UBE2O: variants seen among roughly 807,000 people sequenced by gnomAD.
UBE2O encodes the protein ubiquitin conjugating enzyme E2 O.
A neutral mutation model predicts 125.8 loss-of-function variants in UBE2O; 15 were observed. The observed-to-expected ratio is 0.12, with a 90% CI of 0.08 to 0.18. The LOEUF is 0.18. Among genes scored for constraint, UBE2O ranks in the 10% least tolerant of loss-of-function variants. The pLI, the probability that UBE2O is intolerant of heterozygous loss-of-function variation, is 1.00. For synonymous variants in UBE2O, 708 were observed against 703.2 expected (o/e 1.01, Z -0.11); for missense variants, 1,280 against 1,723.6 (o/e 0.74, Z 4.56).
Position 76,390,994 on chromosome 17 carries a change from G to C in UBE2O, c.3828C>G (p.Phe1276Leu). Residue 1276 changes from phenylalanine to leucine, a missense_variant, in exon 18 of 18, where the codon TTC becomes TTG. By Grantham distance (22) the Phe-to-Leu change is conservative. This residue lies in a region of UBE2O where 233 missense variants were observed against 279.0 expected (regional missense o/e 0.84). Coordinates refer to ENST00000319380, the MANE Select transcript of UBE2O (RefSeq NM_022066.4). ...IKSIRGVLTQ[F>L]RAALLEAGMP... The stretch of plus-strand genomic sequence containing the variant: ...TGCCTGCCTCTAGCAGGGCAGCCCG[G>C]AACTGCGTCAGGACACCCCGGATGC... 2 of 1,613,634 alleles carry C rather than the reference G, an allele frequency of 1.2e-6. No homozygotes were observed. The highest frequency in any genetic ancestry group is 1.7e-6 in the Non-Finnish European group (2 of 1,179,910).
rs1364972620 is a variant in UBE2O, at chr17:76,452,851, C to T, written c.291G>A (p.Gly97=). ...CCCCGGCCTCGGAGCACCCCGAGCT[C>T]CCGCGGCCCTCCTCCTCGCCCTCCG... The part of the protein sequence containing the change: ...SDSEGEEEGR[G]SSGCSEAGGA... Residue 97 remains glycine (G), a synonymous_variant, in exon 1 of 18, where the codon GGG becomes GGA. Coordinates refer to ENST00000319380, the MANE Select transcript of UBE2O (RefSeq NM_022066.4). The surrounding 1 kb of genome is among the most constrained non-coding windows in gnomAD (Gnocchi z 4.4). The T allele has an allele frequency of 6.6e-7, 1 of 1,504,160 alleles. No homozygotes were observed. Among genetic ancestry groups the T allele is most frequent in the Non-Finnish European group, 8.9e-7 (1 of 1,126,608 alleles). The allele number at this position is 1,504,160 out of a possible 1,614,324, so 93.2% of individuals were successfully genotyped here.
chr17:76,405,545 G>A lies in UBE2O; in HGVS notation c.445C>T (p.Pro149Ser). 1 of 1,598,774 alleles carries A rather than the reference G, an allele frequency of 6.3e-7. No individual in the cohort carries two copies. Among genetic ancestry groups the A allele is most frequent in the South Asian group, 1.1e-5 (1 of 87,758 alleles). ...KLKLEDRSVVPRDVVRHMRST... is the reference protein window; with the variant it reads ...KLKLEDRSVVSRDVVRHMRST... ...CGCATGTGCCGGACCACATCTCGGGGCACCACAGAACGGTCCTCTAGTTTC... is the reference window on the plus strand; with the variant it reads ...CGCATGTGCCGGACCACATCTCGGGACACCACAGAACGGTCCTCTAGTTTC... Residue 149 changes from proline (P) to serine (S), a missense_variant, in exon 2 of 18, where the codon CCC (proline) becomes TCC (serine). Pro to Ser is a moderately conservative substitution (Grantham distance 74). Transcript: ENST00000319380. The surrounding 1 kb of genome is among the most constrained non-coding windows in gnomAD (Gnocchi z 6.1).
Position 76,452,792 on chromosome 17 carries a change from A to AG in UBE2O, c.349dup (p.Leu117ProfsTer91). Reference sequence around the variant, plus strand: ...CTGGACGCGCACGTAGCCGCGGCGCAGGGGGCTGGCCCGGCCCTCCTCGTG... The same window carrying AG: ...CTGGACGCGCACGTAGCCGCGGCGCAGGGGGGCTGGCCCGGCCCTCCTCGTG... On this transcript the variant is annotated frameshift_variant, in exon 1 of 18. Coordinates refer to ENST00000319380, the MANE Select transcript of UBE2O (RefSeq NM_022066.4). LOFTEE classifies it high-confidence loss of function. This position sits in a 1 kb window ranked among gnomAD's most constrained non-coding sequence, Gnocchi z 4.4. 1.3e-6 allele frequency: 2 copies of AG among 1,522,482 alleles called. No individual in the cohort carries two copies. The highest frequency in any genetic ancestry group is 2.7e-5 in the East Asian group (1 of 36,444). 94.3% of individuals were successfully genotyped at this position (1,522,482 alleles called of 1,614,324 possible).
chr17:76,427,838 T>A (rs2072837757), intron 1 of UBE2O, among the ~76,000 whole-genome samples: 1 of 152,222 alleles, frequency 6.6e-6, no homozygotes, highest in African/African-American at 2.4e-5. Context: ...TTTTCTTGCA[T>A]CCCTTTTACC....
intron 1 of UBE2O, among the ~76,000 whole-genome samples, chr17:76,422,163 C>G (rs956411160): frequency 3.3e-5 from 5 of 152,216 alleles, no homozygotes; most frequent in Non-Finnish European, 7.3e-5. Flanking sequence ...CGTGGCCTCT[C>G]TCTCCGGCTT....
In UBE2O at chr17:76,402,850, C is replaced by T; in HGVS notation, c.589-151G>A. The T allele has an allele frequency of 1.5e-6, 1 of 646,996 alleles. No individual in the cohort carries two copies. Among genetic ancestry groups the T allele is most frequent in the Non-Finnish European group, 2.8e-6 (1 of 362,192 alleles). 40.1% of individuals were successfully genotyped at this position (646,996 alleles called of 1,614,324 possible). On this transcript the variant is annotated intron_variant, in intron 3 of 17. Transcript: ENST00000319380. This position sits in a 1 kb window ranked among gnomAD's most constrained non-coding sequence, Gnocchi z 5.4. The stretch of plus-strand genomic sequence containing the variant: ...GTTGGCTACTAGCCCTAAACAGCTG[C>T]TGCAGCAGGCCCTCCCTACAAGTTC...
chr17:76,405,599 G>A lies in UBE2O; in HGVS notation c.418-27C>T. Reference sequence around the variant, plus strand: ...TGTAAAAGAAAATACAGGTGTGAGAGAATGGACTCTGAAGCCACCACAGAA... The same window carrying A: ...TGTAAAAGAAAATACAGGTGTGAGAAAATGGACTCTGAAGCCACCACAGAA... On this transcript the variant is annotated intron_variant, in intron 1 of 17. Transcript: ENST00000319380. The surrounding 1 kb of genome is among the most constrained non-coding windows in gnomAD (Gnocchi z 6.1). 4 of 1,567,552 alleles carry A rather than the reference G, an allele frequency of 2.6e-6. No homozygotes were observed. Among genetic ancestry groups the A allele is most frequent in the Non-Finnish European group, 1.7e-6 (2 of 1,153,878 alleles).
chr17:76,418,386 T>C (rs1454753676), intron 1 of UBE2O, among the ~76,000 whole-genome samples: 3 of 152,180 alleles, frequency 2.0e-5, no homozygotes, highest in African/African-American at 7.2e-5. Flanking sequence ...AGCCATGCCT[T>C]ACAACCAGCA....
intron 1 of UBE2O, among the ~76,000 whole-genome samples, chr17:76,444,717 A>T (rs2073126847): frequency 1.3e-5 from 2 of 152,208 alleles, no homozygotes; most frequent in African/African-American, 2.4e-5. Context: ...CCCCCAGTAC[A>T]GTGCTGGGAT....
At chr17:76,437,240 G>A (rs906813365) in intron 1 of UBE2O, among the ~76,000 whole-genome samples, 7 of 151,684 alleles carry the variant, frequency 4.6e-5, no homozygotes, top group Admixed American at 1.3e-4. Flanking sequence ...CACGAGGTCA[G>A]GAGATCGAGA....
chr17:76,435,190 C>T lies in UBE2O; in HGVS notation c.417+17535G>A, dbSNP rs143864853. On this transcript the variant is annotated intron_variant, in intron 1 of 17. Coordinates refer to ENST00000319380, the MANE Select transcript of UBE2O (RefSeq NM_022066.4). ...GTTTGTCTGAATCCAAAGCTCTGAC[C>T]TGCCAAATACAGAGCAGTTGTACAG... Among the ~76,000 whole-genome samples the T allele has an allele frequency of 6.8e-3, 1,032 of 152,218 alleles. 8 individuals are homozygous for T. The highest frequency in any genetic ancestry group is 0.02 in the Middle Eastern group (6 of 294).
intron 1 of UBE2O, among the ~76,000 whole-genome samples, chr17:76,412,965 G>A (rs1432507005): frequency 3.3e-5 from 5 of 152,120 alleles, no homozygotes; most frequent in Non-Finnish European, 7.4e-5. Context: ...CCGAGATTGC[G>A]CCATTGCACT....
intron 1 of UBE2O, among the ~76,000 whole-genome samples, chr17:76,434,770 T>C (rs1244615850): frequency 6.7e-6 from 1 of 149,490 alleles, no homozygotes; most frequent in Non-Finnish European, 1.5e-5. Context: ...CTTTTTCACT[T>C]AAGCTTTTTT....
chr17:76,442,527 T>C (rs1334665918), intron 1 of UBE2O, among the ~76,000 whole-genome samples: 3 of 152,218 alleles, frequency 2.0e-5, no homozygotes, highest in Non-Finnish European at 2.9e-5. Context: ...ATGTGCGTGA[T>C]AGCACACAAG....
chr17:76,399,046 G>T lies in UBE2O; in HGVS notation c.1629-55C>A. The stretch of plus-strand genomic sequence containing the variant: ...GCAAACCCCACCCCCTCCGCGGAAA[G>T]GGCAGAGAGTCTTTCTGTCCCTTCC... On this transcript the variant is annotated intron_variant, in intron 9 of 17. Coordinates refer to ENST00000319380, the MANE Select transcript of UBE2O (RefSeq NM_022066.4). The surrounding 1 kb of genome is among the most constrained non-coding windows in gnomAD (Gnocchi z 6.9). 6.3e-7 allele frequency: 1 copy of T among 1,589,984 alleles called. No individual in the cohort carries two copies. The highest frequency in any genetic ancestry group is 1.1e-5 in the South Asian group (1 of 87,734).
At chr17:76,425,807 T>C (rs939030085) in intron 1 of UBE2O, among the ~76,000 whole-genome samples, 3 of 152,344 alleles carry the variant, frequency 2.0e-5, no homozygotes, top group Middle Eastern at 3.4e-3. Context: ...CAGGTATCTT[T>C]GGGCTTTGTG....
chr17:76,412,122 T>TG (rs1427988871), intron 1 of UBE2O, among the ~76,000 whole-genome samples: 1 of 152,190 alleles, frequency 6.6e-6, no homozygotes, highest in Non-Finnish European at 1.5e-5. Flanking sequence ...ACTAGGTCCC[T>TG]GGTGAGTGTG....
chr17:76,430,613 G>A, intron 1 of UBE2O: 1 of 330,732 alleles, frequency 3.0e-6, no homozygotes, highest in Non-Finnish European at 6.2e-6. Context: ...CAATCAAAGT[G>A]TTATCTGTCA....
chr17:76,421,393 G>A (rs565667831), intron 1 of UBE2O, among the ~76,000 whole-genome samples: 5 of 147,286 alleles, frequency 3.4e-5, no homozygotes, highest in African/African-American at 1.2e-4. Flanking sequence ...TTGAGACGGA[G>A]TTTCGCTCTT....
Sources: gnomAD v4.1 joint callset for allele counts (sites outside exome capture counted in the v4.1 genomes callset) on GRCh38, gnomAD v4.1.1 for gene constraint, gnomAD v4.1.1 regional missense constraint, Gnocchi (gnomAD v3.1) non-coding constraint, MANE v1.5 for transcripts, NCBI Gene and HGNC (gene_info 2026-07-23, HGNC 2026-07-21) for gene names.